NRG1: variants seen among roughly 807,000 people sequenced by gnomAD.
The protein encoded by NRG1 is pro-neuregulin-1, membrane-bound isoform.
NRG1 carries 18 observed loss-of-function variants against 63.8 expected under a neutral mutation model. The observed-to-expected ratio is 0.28, with a 90% confidence interval of 0.19 to 0.42. The LOEUF (loss-of-function observed/expected upper bound fraction) is 0.42. Ranked by LOEUF, NRG1 falls within the 10% of genes least tolerant of loss-of-function variation. NRG1 has a pLI of 1.00. For synonymous variants in NRG1, 302 were observed against 301.3 expected (o/e 1.00, Z -0.02); for missense variants, 762 against 814.7 (o/e 0.94, Z 0.79).
intron 1 of NRG1, among the ~76,000 whole-genome samples, chr8:31,773,933 C>A (rs569577275): frequency 6.6e-6 from 1 of 151,642 alleles, no homozygotes; most frequent in Admixed American, 6.6e-5. Flanking sequence ...TTATTGAGGA[C>A]AGATTCTGTG....
intron 1 of NRG1, among the ~76,000 whole-genome samples, chr8:31,691,594 C>CAAAAAAAAAAAAAA (rs71208138): frequency 2.9e-5 from 1 of 34,994 alleles, no homozygotes; most frequent in Non-Finnish European, 4.5e-5. Flanking sequence ...GACTCTGTCT[C>CAAAAAAAAAAAAAA]AAAAAAAAAA....
chr8:32,585,121 T>A (rs1841370290), intron 1 of NRG1, among the ~76,000 whole-genome samples: 1 of 152,142 alleles, frequency 6.6e-6, no homozygotes, highest in Non-Finnish European at 1.5e-5. Flanking sequence ...TAAATATATT[T>A]TTAATTTTTA....
At chr8:32,400,363 G>A (rs1424208392) in intron 1 of NRG1, among the ~76,000 whole-genome samples, 1 of 152,100 alleles carries the variant, frequency 6.6e-6, no homozygotes, top group African/African-American at 2.4e-5. Flanking sequence ...CAACCCTATA[G>A]TCTGAGCTAC....
intron 1 of NRG1, among the ~76,000 whole-genome samples, chr8:31,745,016 G>A (rs1466844474): frequency 2.6e-5 from 4 of 152,010 alleles, no homozygotes; most frequent in East Asian, 1.9e-4. Flanking sequence ...AGGGTGGGAC[G>A]ATTATGATAT....
intron 5 of NRG1, chr8:32,721,880 C>G: frequency 7.0e-7 from 1 of 1,428,968 alleles, no homozygotes; most frequent in Non-Finnish European, 9.2e-7. Flanking sequence ...CAGGAACCAC[C>G]TAAGCATTTT....
intron 1 of NRG1, among the ~76,000 whole-genome samples, chr8:31,912,748 G>A (rs1833055200): frequency 6.6e-6 from 1 of 152,008 alleles, no homozygotes; most frequent in Non-Finnish European, 1.5e-5. Flanking sequence ...CCCTCCAGAG[G>A]GGAAACAGAT....
At chr8:31,846,817 T>A (rs1040266822) in intron 1 of NRG1, among the ~76,000 whole-genome samples, 1 of 152,134 alleles carries the variant, frequency 6.6e-6, no homozygotes, top group Non-Finnish European at 1.5e-5. Context: ...TTAAACATGA[T>A]GTGTTAGGAT....
intron 1 of NRG1, among the ~76,000 whole-genome samples, chr8:32,043,828 C>T (rs184622098): frequency 2.6e-4 from 40 of 151,696 alleles, no homozygotes; most frequent in African/African-American, 8.4e-4. Context: ...TGATATACTT[C>T]GGTGGAATGC....
chr8:31,853,054 A>G (rs1195939675), intron 1 of NRG1, among the ~76,000 whole-genome samples: 1 of 151,908 alleles, frequency 6.6e-6, no homozygotes, highest in African/African-American at 2.4e-5. Flanking sequence ...TGATGCCTCC[A>G]GCTTTGTTCT....
chr8:32,669,237 A>G (rs1161480450), intron 5 of NRG1, among the ~76,000 whole-genome samples: 1 of 152,206 alleles, frequency 6.6e-6, no homozygotes, highest in Non-Finnish European at 1.5e-5. Flanking sequence ...ATAGCAAAAG[A>G]TAGAATAAAG....
Position 31,969,061 on chromosome 8 carries a change from G to T in NRG1, c.37+329630G>T, listed in dbSNP as rs563616783. ...ATCACTGGCAAACCACCAGTGAGTTGATTGCAGCCCTTTATAATTCCTGTG... is the reference window on the plus strand; with the variant it reads ...ATCACTGGCAAACCACCAGTGAGTTTATTGCAGCCCTTTATAATTCCTGTG... On this transcript the variant is annotated intron_variant, in intron 1 of 10. Transcript: ENST00000519301. Among the ~76,000 whole-genome samples, 10 of 152,304 alleles carry T rather than the reference G, an allele frequency of 6.6e-5. No homozygotes were observed. The East Asian group carries it at 1.5e-3, about 24-fold the overall frequency.
chr8:32,046,997 C>T (rs1272941804), intron 1 of NRG1, among the ~76,000 whole-genome samples: 2 of 152,080 alleles, frequency 1.3e-5, no homozygotes, highest in Non-Finnish European at 1.5e-5. Flanking sequence ...AACTCCATAG[C>T]AGGCAATGAA....
At chr8:32,485,149 T>C (rs1263823971) in intron 1 of NRG1, among the ~76,000 whole-genome samples, 2 of 148,136 alleles carry the variant, frequency 1.4e-5, no homozygotes, top group Non-Finnish European at 3.0e-5. Flanking sequence ...ATTTTCACTC[T>C]TGTTGCCTAG....
At chr8:31,903,881 G>A in intron 1 of NRG1, among the ~76,000 whole-genome samples, 1 of 152,046 alleles carries the variant, frequency 6.6e-6, no homozygotes, top group East Asian at 1.9e-4. Context: ...TTTGAACCCT[G>A]CAGAGGATGT....
rs1554608421 is a variant in NRG1 at position 32,040,723 on chromosome 8, T to TATATATATGAAATTTAGGCGC, written c.37+401300_37+401301insGAAATTTAGGCGCATATATAT. Among the ~76,000 whole-genome samples, 94 of 106,460 alleles carry TATATATATGAAATTTAGGCGC rather than the reference T, an allele frequency of 8.8e-4. 1 individual carries two copies. Among genetic ancestry groups the TATATATATGAAATTTAGGCGC allele is most frequent in the African/African-American group, 3.1e-3 (91 of 28,896 alleles). The allele number at this position is 106,460 out of a possible 152,430, so 69.8% of individuals were successfully genotyped here. A position where few individuals can be genotyped will look rare whatever the true frequency, so the allele number is the denominator to read the frequency against. ...TCTGAAATTTAGGCATATATATATATATATATATATATATGAAATTTAGGC... is the reference window on the plus strand; with the variant it reads ...TCTGAAATTTAGGCATATATATATATATATATATGAAATTTAGGCGCATATATATATATATGAAATTTAGGC... On this transcript the variant is annotated intron_variant, in intron 1 of 10. Coordinates refer to the NRG1 transcript ENST00000519301.
At chr8:32,374,956 CT>C (rs978130384) in intron 1 of NRG1, among the ~76,000 whole-genome samples, 1 of 151,934 alleles carries the variant, frequency 6.6e-6, no homozygotes, top group Non-Finnish European at 1.5e-5. Context: ...TTGCCTAGGC[CT>C]AAGAATGTCA....
intron 1 of NRG1, among the ~76,000 whole-genome samples, chr8:32,496,449 G>A (rs1439575331): frequency 6.6e-6 from 1 of 152,108 alleles, no homozygotes; most frequent in Non-Finnish European, 1.5e-5. Flanking sequence ...AATTAACTGG[G>A]CATGGCGGTG....
intron 1 of NRG1, among the ~76,000 whole-genome samples, chr8:32,307,363 C>CAGAACGTGCAAGTTAGTCAGCAAAG (rs2129475653): frequency 6.6e-6 from 1 of 152,232 alleles, no homozygotes; most frequent in African/African-American, 2.4e-5. Context: ...TGTGTACAGT[C>CAGAACGTGCAAGTTAGTCAGCAAAG]AGAACGTGCA....
intron 1 of NRG1, among the ~76,000 whole-genome samples, chr8:31,764,262 C>G (rs2131535121): frequency 6.6e-6 from 1 of 152,084 alleles, no homozygotes; most frequent in African/African-American, 2.4e-5. Flanking sequence ...CAGTTTGCCC[C>G]AACGGTGATA....
Sources: gnomAD v4.1 joint callset for allele counts (sites outside exome capture counted in the v4.1 genomes callset) on GRCh38, gnomAD v4.1.1 for gene constraint, MANE v1.5 for transcripts, NCBI Gene and HGNC (gene_info 2026-07-23, HGNC 2026-07-21) for gene names.